The following DLG2 variants were observed in gnomAD, a reference collection of about 807,000 sequenced individuals.
DLG2 encodes disks large homolog 2.
Under a neutral mutation model 132.5 loss-of-function variants are expected in DLG2, and 45 were observed. The ratio of observed to expected loss-of-function variants is 0.34; its 90% CI spans 0.27 to 0.44. The LOEUF (loss-of-function observed/expected upper bound fraction) is 0.44, where lower values mean the gene tolerates loss of function less well. DLG2 is among the 20% of genes least tolerant of loss of function. DLG2 has a pLI of 1.00. For missense variants in DLG2, 1,045 were observed against 1,196.9 expected, an observed-to-expected ratio of 0.87 and a Z score of 1.87; for synonymous variants, 424 against 419.6, an observed-to-expected ratio of 1.01 and a Z score of -0.13.
chr11:84,737,954 G>C (rs760873050), intron 6 of DLG2, among the ~76,000 whole-genome samples: 39 of 151,988 alleles, frequency 2.6e-4, no homozygotes, highest in Admixed American at 1.7e-3. Context: ...GGATGGAGGA[G>C]GCATTATTCC....
In DLG2 at chr11:85,205,148, A is replaced by G. The variant is rs143951150; in HGVS notation, c.187-50497T>C. 5.4e-3 allele frequency among the ~76,000 whole-genome samples: 743 copies of G among 138,590 alleles called. 6 individuals carry two copies. Among genetic ancestry groups the G allele is most frequent in the South Asian group, 0.026 (119 of 4,630 alleles). 90.9% of individuals were successfully genotyped at this position (138,590 alleles called of 152,430 possible). A position where few individuals can be genotyped will look rare whatever the true frequency, so the allele number is the denominator to read the frequency against. On this transcript the variant is annotated intron_variant, in intron 4 of 27. Coordinates refer to ENST00000376104, the MANE Select transcript of DLG2 (RefSeq NM_001142699.3). ...ATATAATTCATATATATGTGTGTGT[A>G]TATATATATATATATAGATATATAT...
chr11:84,547,015 T>C (rs1314640725), intron 6 of DLG2, among the ~76,000 whole-genome samples: 1 of 152,208 alleles, frequency 6.6e-6, no homozygotes, highest in African/African-American at 2.4e-5. Flanking sequence ...CCTACTTTGA[T>C]AACCACATGA....
intron 15 of DLG2, among the ~76,000 whole-genome samples, chr11:83,881,807 A>G (rs2066342885): frequency 6.6e-6 from 1 of 152,168 alleles, no homozygotes; most frequent in Non-Finnish European, 1.5e-5. Flanking sequence ...GTTTATTCTT[A>G]TTGCATTTGT....
intron 6 of DLG2, among the ~76,000 whole-genome samples, chr11:84,799,718 C>T (rs1185629947): frequency 1.3e-5 from 2 of 152,100 alleles, no homozygotes; most frequent in African/African-American, 4.8e-5. Flanking sequence ...TTTTACTTGT[C>T]AAACGGCACT....
At chr11:84,750,933 T>C (rs539421150) in intron 6 of DLG2, among the ~76,000 whole-genome samples, 2 of 152,310 alleles carry the variant, frequency 1.3e-5, no homozygotes, top group Non-Finnish European at 2.9e-5. Context: ...AATTGAGAAA[T>C]GTAATGCTTA....
At chr11:83,703,964 A>T (rs935719917) in intron 18 of DLG2, among the ~76,000 whole-genome samples, 3 of 152,220 alleles carry the variant, frequency 2.0e-5, no homozygotes, top group Admixed American at 6.5e-5. Flanking sequence ...CCCACAAAAC[A>T]TTGTTAAATG....
chr11:83,710,144 G>A (rs2085048944), intron 18 of DLG2, among the ~76,000 whole-genome samples: 1 of 150,876 alleles, frequency 6.6e-6, no homozygotes. Flanking sequence ...ATGGAATGAA[G>A]CCCAGCACAG....
intron 15 of DLG2, among the ~76,000 whole-genome samples, chr11:83,924,689 C>G (rs2078623728): frequency 6.6e-6 from 1 of 152,074 alleles, no homozygotes; most frequent in African/African-American, 2.4e-5. Flanking sequence ...TCACCTCAGC[C>G]TGAGGTACTA....
chr11:83,863,000 A>G (rs929752490), intron 16 of DLG2, among the ~76,000 whole-genome samples: 3 of 152,178 alleles, frequency 2.0e-5, no homozygotes, highest in Non-Finnish European at 4.4e-5. Flanking sequence ...TGGAAAAAGG[A>G]GAAAACTACA....
intron 18 of DLG2, among the ~76,000 whole-genome samples, chr11:83,688,513 G>GTCATCCA (rs1472542724): frequency 1.3e-5 from 2 of 152,120 alleles, no homozygotes; most frequent in African/African-American, 4.8e-5. Flanking sequence ...TTTGCAAGAT[G>GTCATCCA]GACCAGCCTG....
chr11:84,997,188 A>G (rs2057736132), intron 6 of DLG2: 2 of 153,122 alleles, frequency 1.3e-5, no homozygotes, highest in South Asian at 4.1e-4. Context: ...TAAACTGCAC[A>G]TCAAAAATTA....
chr11:85,189,616 T>C (rs1344622233), intron 4 of DLG2, among the ~76,000 whole-genome samples: 7 of 152,142 alleles, frequency 4.6e-5, no homozygotes, highest in Non-Finnish European at 1.0e-4. Flanking sequence ...TTATAGAGAG[T>C]TAGCAAAAGG....
At chr11:83,756,293 T>C (rs1441408492) in intron 18 of DLG2, among the ~76,000 whole-genome samples, 2 of 151,488 alleles carry the variant, frequency 1.3e-5, no homozygotes, top group Non-Finnish European at 2.9e-5. Context: ...TTATGTAATG[T>C]TTTGTGTGCT....
intron 3 of DLG2, among the ~76,000 whole-genome samples, chr11:85,454,173 G>A (rs958438713): frequency 2.3e-4 from 35 of 150,818 alleles, no homozygotes; most frequent in Non-Finnish European, 2.7e-4. Flanking sequence ...ACGTGTATAA[G>A]CATTCCCCTT....
At chr11:85,156,578 A>C (rs2152463016) in intron 4 of DLG2, among the ~76,000 whole-genome samples, 1 of 152,254 alleles carries the variant, frequency 6.6e-6, no homozygotes, top group Non-Finnish European at 1.5e-5. Flanking sequence ...TGAACTATCC[A>C]AATAAATCAG....
intron 11 of DLG2, among the ~76,000 whole-genome samples, chr11:84,045,113 AC>A (rs2096211752): frequency 6.6e-6 from 1 of 151,768 alleles, no homozygotes; most frequent in African/African-American, 2.4e-5. Flanking sequence ...AGTAGTATGC[AC>A]ATTGTGTTTC....
intron 10 of DLG2, among the ~76,000 whole-genome samples, chr11:84,088,347 T>C (rs1258773808): frequency 6.6e-6 from 1 of 150,614 alleles, no homozygotes; most frequent in Non-Finnish European, 1.5e-5. Flanking sequence ...CAGGTATATA[T>C]CCAGAAGTCT....
At chr11:85,295,950 A>G (rs190240112) in intron 3 of DLG2, among the ~76,000 whole-genome samples, 3 of 152,262 alleles carry the variant, frequency 2.0e-5, no homozygotes, top group Admixed American at 1.3e-4. Flanking sequence ...AAGTAGCTAT[A>G]GACTTTCAGT....
intron 7 of DLG2, among the ~76,000 whole-genome samples, chr11:84,501,022 C>T (rs1053794880): frequency 6.6e-6 from 1 of 152,100 alleles, no homozygotes; most frequent in Non-Finnish European, 1.5e-5. Flanking sequence ...TGGTTTTTGA[C>T]AAGTGCACAT....
Sources: gnomAD v4.1 joint callset for allele counts (sites outside exome capture counted in the v4.1 genomes callset) on GRCh38, gnomAD v4.1.1 for gene constraint, MANE v1.5 for transcripts, NCBI Gene and HGNC (gene_info 2026-07-23, HGNC 2026-07-21) for gene names.